CC2D2A: variants seen among roughly 807,000 people sequenced by gnomAD.
CC2D2A encodes the protein coiled-coil and C2 domain containing 2A, also known as coiled-coil and C2 domain-containing protein 2A.
CC2D2A carries 155 observed loss-of-function variants against 212.9 expected under a neutral mutation model. The ratio of observed to expected loss-of-function variants is 0.73; its 90% CI spans 0.64 to 0.83. The LOEUF (loss-of-function observed/expected upper bound fraction) is 0.83, where lower values mean the gene tolerates loss of function less well. Among genes scored for constraint, CC2D2A ranks in the 40% least tolerant of loss-of-function variants. The probability of loss-of-function intolerance (pLI) is 0.00; values close to 1 mark genes in which losing one functional copy is unlikely to be tolerated. For missense variants in CC2D2A, 1,856 were observed against 1,956.2 expected, an observed-to-expected ratio of 0.95 and a Z score of 0.97; for synonymous variants, 667 against 686.5, an observed-to-expected ratio of 0.97 and a Z score of 0.44.
chr4:15,480,703 G>T lies in CC2D2A; in HGVS notation c.124-1G>T. On this transcript the variant is annotated splice_acceptor_variant, in intron 3 of 36. Transcript: ENST00000424120. LOFTEE classifies it high-confidence loss of function. ...CTGAACCTCTGACCTTCTTCCTCCA[G>T]CCACCAACTGCTGTCCCCAAGGAAA... 6.2e-7 allele frequency: 1 copy of T among 1,608,792 alleles called. No homozygotes were observed. Among genetic ancestry groups the T allele is most frequent in the South Asian group, 1.1e-5 (1 of 89,902 alleles).
At chr4:15,488,808 C>T (rs989676681) in intron 4 of CC2D2A, among the ~76,000 whole-genome samples, 2 of 152,224 alleles carry the variant, frequency 1.3e-5, no homozygotes, top group Non-Finnish European at 1.5e-5. Context: ...CACACTGCTT[C>T]GGGCACATGC....
intron 33 of CC2D2A, chr4:15,595,764 GGAAA>G: frequency 5.9e-6 from 1 of 169,986 alleles, no homozygotes; most frequent in African/African-American, 2.4e-5. Flanking sequence ...AGAAAGGTCA[GGAAA>G]GACTAGCCTA....
intron 6 of CC2D2A, among the ~76,000 whole-genome samples, chr4:15,505,089 C>T (rs1235401754): frequency 6.6e-6 from 1 of 152,138 alleles, no homozygotes; most frequent in East Asian, 1.9e-4. Flanking sequence ...ATACATGTTA[C>T]AGTGTTTCAC....
At chr4:15,576,073 TA>T in intron 29 of CC2D2A, among the ~76,000 whole-genome samples, 1 of 152,326 alleles carries the variant, frequency 6.6e-6, no homozygotes, top group Non-Finnish European at 1.5e-5. Context: ...CTAAAGCTAT[TA>T]AATGGCAGTC....
intron 12 of CC2D2A, 38 bp from the exon 13 acceptor site, chr4:15,528,582 A>T: frequency 3.8e-6 from 6 of 1,569,272 alleles, no homozygotes; most frequent in Non-Finnish European, 5.3e-6. Context: ...TAGGGAATAG[A>T]GTTTGTAACC....
Position 15,502,890 on chromosome 4 carries a change from TAAGA to T in CC2D2A, c.411_414del (p.Lys137AsnfsTer14), listed in dbSNP as rs754687282. On this transcript the variant is annotated frameshift_variant, in exon 6 of 37. Transcript: ENST00000424120. LOFTEE classifies it high-confidence loss of function. Reference sequence around the variant, plus strand: ...GGCCCAGACGCTTACGAAGTCCCAGTAAGAAAGAATTGGAGACTGAATTTGGCAC... The same window carrying T: ...GGCCCAGACGCTTACGAAGTCCCAGTAAGAATTGGAGACTGAATTTGGCAC... 2 of 1,610,986 alleles carry T rather than the reference TAAGA, an allele frequency of 1.2e-6. No homozygotes were observed. The highest frequency in any genetic ancestry group is 3.4e-5 in the Admixed American group (2 of 59,554).
At chr4:15,485,603 C>A (rs150792885) in intron 4 of CC2D2A, among the ~76,000 whole-genome samples, 2 of 152,278 alleles carry the variant, frequency 1.3e-5, no homozygotes, top group African/African-American at 4.8e-5. Context: ...TAACAGTATA[C>A]AAGCATTCCC....
chr4:15,557,276 G>A, intron 20 of CC2D2A, 28 bp from the exon 21 acceptor site: 1 of 1,534,132 alleles, frequency 6.5e-7, no homozygotes, highest in Non-Finnish European at 9.0e-7. Context: ...ACTGTCATCT[G>A]GAGTTTTGCA....
chr4:15,516,841 C>T (rs1434510244), intron 11 of CC2D2A, 85 bp downstream of exon 11: 20 of 1,283,740 alleles, frequency 1.6e-5, no homozygotes, highest in Non-Finnish European at 2.1e-5. Context: ...ATATTTATAA[C>T]ATTCTACTTT....
chr4:15,580,232 C>T, intron 30 of CC2D2A, 61 bp downstream of exon 30: 1 of 1,213,360 alleles, frequency 8.2e-7, no homozygotes, highest in South Asian at 1.3e-5. Flanking sequence ...CAATATATTG[C>T]CATTTTAATT....
At chr4:15,600,914 A>AAC (rs1721561520) in intron 36 of CC2D2A, among the ~76,000 whole-genome samples, 1 of 70,464 alleles carries the variant, frequency 1.4e-5, no homozygotes, top group Admixed American at 1.2e-4. Context: ...AAAAAAAAAA[A>AAC]AAAAAAAGAA....
Position 15,580,089 on chromosome 4 carries a change from T to A in CC2D2A, c.3893T>A (p.Val1298Asp), listed in dbSNP as rs386833758. ...GTAATTGATATAAGCGGAAAAACTG[T>A]TTTTATCACACGTTATCTCAAACCT... is the stretch of plus-strand genomic sequence containing the variant. Reference protein sequence around the residue: ...TTVIDISGKTVFITRYLKPLN... With the variant: ...TTVIDISGKTDFITRYLKPLN... The change falls in exon 30 of 37, where the codon GTT becomes GAT. Residue 1298 changes from valine (V) to aspartate (D), a missense_variant. Around this residue, in one of 5 missense-constraint regions of CC2D2A, gnomAD observed 1,512 missense variants for 1,579.3 expected, o/e 0.96. Coordinates refer to ENST00000424120, the MANE Select transcript of CC2D2A (RefSeq NM_001378615.1). 2.5e-6 allele frequency: 4 copies of A among 1,613,948 alleles called. No homozygotes were observed. Among genetic ancestry groups the A allele is most frequent in the Non-Finnish European group, 3.4e-6 (4 of 1,179,860 alleles).
chr4:15,533,396 CA>C, intron 14 of CC2D2A, 63 bp downstream of exon 14: 1 of 1,204,138 alleles, frequency 8.3e-7, no homozygotes, highest in Non-Finnish European at 1.1e-6. Flanking sequence ...ATGTATAAAA[CA>C]TGGATACAGT....
intron 17 of CC2D2A, among the ~76,000 whole-genome samples, chr4:15,541,932 A>G (rs1718476357): frequency 6.6e-6 from 1 of 152,074 alleles, no homozygotes; most frequent in South Asian, 2.1e-4. Flanking sequence ...CAGTAGGGCC[A>G]TACTCCCTCC....
intron 11 of CC2D2A, among the ~76,000 whole-genome samples, chr4:15,523,401 C>T (rs1287484877): frequency 6.6e-6 from 1 of 152,160 alleles, no homozygotes; most frequent in African/African-American, 2.4e-5. Flanking sequence ...TTTTTCAGAA[C>T]TGCATACCCA....
In CC2D2A at chr4:15,480,812, C is replaced by G. The variant is rs769077754; in HGVS notation, c.232C>G (p.Arg78Gly). The change falls in exon 4 of 37, where the codon CGG becomes GGG. Residue 78 changes from arginine to glycine, a missense_variant. Arg to Gly is a moderately radical substitution (Grantham distance 125). Transcript: ENST00000424120. ...PKTRLLSMTV[R>G]RGPRSLPPIP... ...GACCCGCCTCCTGAGTATGACAGTC[C>G]GGAGAGGCCCACGGAGTAAGTGCCC... 2 of 1,612,502 alleles carry G rather than the reference C, an allele frequency of 1.2e-6. No individual in the cohort carries two copies. Among genetic ancestry groups the G allele is most frequent in the Non-Finnish European group, 8.5e-7 (1 of 1,179,256 alleles).
At chr4:15,518,957 T>C (rs765425010) in intron 11 of CC2D2A, among the ~76,000 whole-genome samples, 5 of 152,208 alleles carry the variant, frequency 3.3e-5, no homozygotes, top group Non-Finnish European at 5.9e-5. Flanking sequence ...CCTGGAGACA[T>C]TTTCCCCATT....
intron 4 of CC2D2A, among the ~76,000 whole-genome samples, chr4:15,486,500 T>C (rs1440910988): frequency 1.3e-5 from 2 of 152,040 alleles, no homozygotes; most frequent in East Asian, 1.9e-4. Flanking sequence ...GTGGTATCAG[T>C]TGTTATGTCT....
intron 4 of CC2D2A, 72 bp from the exon 5 acceptor site, chr4:15,502,357 T>C (rs1716001109): frequency 6.4e-6 from 8 of 1,247,142 alleles, no homozygotes; most frequent in Non-Finnish European, 8.9e-6. Flanking sequence ...GGAATTGTTT[T>C]AAAGTAATTT....
Sources: gnomAD v4.1 joint callset for allele counts (sites outside exome capture counted in the v4.1 genomes callset) on GRCh38, gnomAD v4.1.1 for gene constraint, gnomAD v4.1.1 regional missense constraint, MANE v1.5 for transcripts, NCBI Gene and HGNC (gene_info 2026-07-23, HGNC 2026-07-21) for gene names.